The following NLGN1 variants were observed in gnomAD, a reference collection of about 807,000 sequenced individuals.
The protein encoded by NLGN1 is neuroligin-1.
NLGN1 carries 12 observed loss-of-function variants against 65.5 expected under a neutral mutation model. The ratio of observed to expected loss-of-function variants is 0.18; its 90% CI spans 0.12 to 0.30. NLGN1 has a LOEUF of 0.30. NLGN1 is among the 10% of genes least tolerant of loss of function. NLGN1 has a pLI of 1.00. For missense variants in NLGN1, 750 were observed against 1,007.1 expected, an observed-to-expected ratio of 0.74 and a Z score of 3.46; for synonymous variants, 350 against 359.5, an observed-to-expected ratio of 0.97 and a Z score of 0.30.
At chr3:173,434,250 G>T (rs73883146) in intron 1 of NLGN1, among the ~76,000 whole-genome samples, 4,372 of 152,120 alleles carry the variant, frequency 0.029, 208 homozygotes, top group African/African-American at 0.1. Flanking sequence ...TTTAAAAGTA[G>T]CAAAAAGTAT....
chr3:174,100,593 T>C (rs2152573678), intron 4 of NLGN1, among the ~76,000 whole-genome samples: 1 of 152,194 alleles, frequency 6.6e-6, no homozygotes, highest in East Asian at 1.9e-4. Context: ...ACATGCTGGC[T>C]TCCAGCCACA....
intron 4 of NLGN1, among the ~76,000 whole-genome samples, chr3:173,847,440 AT>A (rs1422483008): frequency 6.6e-6 from 1 of 152,180 alleles, no homozygotes; most frequent in Non-Finnish European, 1.5e-5. Context: ...CAAGTGCTCA[AT>A]TCTTCAGATA....
chr3:173,748,853 G>T (rs936933188), intron 3 of NLGN1, among the ~76,000 whole-genome samples: 1 of 151,950 alleles, frequency 6.6e-6, no homozygotes, highest in African/African-American at 2.4e-5. Flanking sequence ...AAGAAGTTTG[G>T]GTTGCAGCAA....
At chr3:174,120,843 T>C (rs1717618349) in intron 4 of NLGN1, among the ~76,000 whole-genome samples, 1 of 152,200 alleles carries the variant, frequency 6.6e-6, no homozygotes, top group African/African-American at 2.4e-5. Flanking sequence ...CTTAAAAGCC[T>C]TGGAACTCAA....
chr3:174,186,665 T>C (rs1400625975), intron 4 of NLGN1, among the ~76,000 whole-genome samples: 1 of 152,012 alleles, frequency 6.6e-6, no homozygotes, highest in Non-Finnish European at 1.5e-5. Context: ...CTTTTTCCCT[T>C]TCCCTGGGTA....
At chr3:173,522,162 C>T (rs764604311) in intron 2 of NLGN1, among the ~76,000 whole-genome samples, 2 of 152,144 alleles carry the variant, frequency 1.3e-5, no homozygotes, top group African/African-American at 4.8e-5. Context: ...CCATATGTAC[C>T]CATTGTTTAC....
intron 3 of NLGN1, among the ~76,000 whole-genome samples, chr3:173,747,801 C>CTTCTT (rs1775714048): frequency 3.1e-5 from 2 of 64,422 alleles, no homozygotes; most frequent in African/African-American, 1.2e-4. Flanking sequence ...TCTTCTTGTT[C>CTTCTT]TTTTTTTTTT....
intron 4 of NLGN1, among the ~76,000 whole-genome samples, chr3:174,262,446 C>T (rs558941692): frequency 0.023 from 2,517 of 108,688 alleles, 13 homozygotes; most frequent in South Asian, 0.069. Flanking sequence ...GTATCCATTT[C>T]TTCTAGATTT....
intron 4 of NLGN1, among the ~76,000 whole-genome samples, chr3:174,191,913 T>G (rs1400153390): frequency 6.6e-6 from 1 of 152,188 alleles, no homozygotes; most frequent in African/African-American, 2.4e-5. Context: ...AGTAGGTTCC[T>G]TATTCAATGC....
chr3:173,813,222 T>C (rs1024512969), intron 4 of NLGN1, among the ~76,000 whole-genome samples: 18 of 152,186 alleles, frequency 1.2e-4, no homozygotes, highest in Admixed American at 1.2e-3. Context: ...TACAATGTTT[T>C]GTCATTGTTA....
chr3:173,650,965 G>C (rs1253843754), intron 3 of NLGN1, among the ~76,000 whole-genome samples: 1 of 151,518 alleles, frequency 6.6e-6, no homozygotes, highest in African/African-American at 2.4e-5. Flanking sequence ...AGGAGTACAA[G>C]TGCATTTTTG....
At chr3:173,566,722 A>G (rs192855495) in intron 2 of NLGN1, among the ~76,000 whole-genome samples, 2 of 152,208 alleles carry the variant, frequency 1.3e-5, no homozygotes, top group Admixed American at 6.5e-5. Flanking sequence ...ATACATATTT[A>G]TTTTTGTGTA....
At chr3:174,056,124 G>A (rs1736018987) in intron 4 of NLGN1, among the ~76,000 whole-genome samples, 1 of 152,022 alleles carries the variant, frequency 6.6e-6, no homozygotes, top group African/African-American at 2.4e-5. Context: ...AAAGCTTAGA[G>A]GGGTTAAGTA....
intron 2 of NLGN1, among the ~76,000 whole-genome samples, chr3:173,490,580 CT>C (rs1728951983): frequency 6.6e-6 from 1 of 152,132 alleles, no homozygotes. Context: ...AATGTGGGCT[CT>C]TTTGTGGTTC....
chr3:174,113,455 T>C (rs1715686056), intron 4 of NLGN1, among the ~76,000 whole-genome samples: 1 of 152,080 alleles, frequency 6.6e-6, no homozygotes, highest in South Asian at 2.1e-4. Context: ...AAATGTATTC[T>C]ACTCTAGTAT....
At chr3:173,630,527 T>C (rs1315716014) in intron 3 of NLGN1, among the ~76,000 whole-genome samples, 2 of 152,116 alleles carry the variant, frequency 1.3e-5, no homozygotes, top group African/African-American at 4.8e-5. Flanking sequence ...TGGTCTAGTA[T>C]TTTTTTCTAG....
At chr3:173,947,059 A>ATT (rs63224363) in intron 4 of NLGN1, among the ~76,000 whole-genome samples, 4,696 of 134,876 alleles carry the variant, frequency 0.035, 174 homozygotes, top group African/African-American at 0.077. Flanking sequence ...AGTTGTTAGG[A>ATT]TTTTTTTTTT....
intron 2 of NLGN1, among the ~76,000 whole-genome samples, chr3:173,563,719 T>C (rs763693618): frequency 5.3e-5 from 8 of 152,156 alleles, no homozygotes; most frequent in Non-Finnish European, 7.4e-5. Flanking sequence ...ATAAATCTTT[T>C]GGGATTTACC....
chr3:173,454,856 C>A (rs1722245859), intron 2 of NLGN1, among the ~76,000 whole-genome samples: 2 of 152,196 alleles, frequency 1.3e-5, no homozygotes, highest in Non-Finnish European at 2.9e-5. Context: ...TTTAGGCTTA[C>A]TTCCAACTTT....
Sources: allele counts gnomAD v4.1 joint callset (sites outside exome capture counted in the v4.1 genomes callset), GRCh38; gene constraint gnomAD v4.1.1; transcripts MANE v1.5; gene names NCBI Gene and HGNC (gene_info 2026-07-23, HGNC 2026-07-21).